SSRP1: variants seen among roughly 807,000 people sequenced by gnomAD.
SSRP1 encodes FACT complex subunit SSRP1.
Under a neutral mutation model 84.4 loss-of-function variants are expected in SSRP1, and 21 were observed. That is an observed-to-expected ratio of 0.25 (90% CI 0.18 to 0.36). The LOEUF is 0.36. Ranked by LOEUF, SSRP1 falls within the 10% of genes least tolerant of loss-of-function variation. The pLI, the probability that SSRP1 is intolerant of heterozygous loss-of-function variation, is 1.00. For synonymous variants in SSRP1, 319 were observed against 318.3 expected, an observed-to-expected ratio of 1.00 and a Z score of -0.02; for missense variants, 519 against 900.8, an observed-to-expected ratio of 0.58 and a Z score of 5.43.
At position 57,335,411 on chromosome 11, in the gene SSRP1, A is replaced by AG. The variant is rs1415704212; in HGVS notation, c.-119-172dup. On this transcript the variant is annotated intron_variant, in intron 1 of 16. Transcript: ENST00000278412. This position sits in a 1 kb window ranked among gnomAD's most constrained non-coding sequence, Gnocchi z 4.6. Reference sequence around the variant, plus strand: ...AGGGTCCAGGTCCAGGCCTGGGTGGAGAACCGGGCCCGGAATACCGCTGAC... The same window carrying AG: ...AGGGTCCAGGTCCAGGCCTGGGTGGAGGAACCGGGCCCGGAATACCGCTGAC... 3 of 383,822 alleles carry AG rather than the reference A, an allele frequency of 7.8e-6. No homozygotes were observed. In the East Asian group the frequency reaches 1.6e-4, roughly 21 times the overall value. 23.8% of individuals were successfully genotyped at this position (383,822 alleles called of 1,614,324 possible).
At chr11:57,331,596 C>T in intron 9 of SSRP1, 72 bp downstream of exon 9, 2 of 1,291,142 alleles carry the variant, frequency 1.5e-6, no homozygotes, top group Non-Finnish European at 2.2e-6. Context: ...GTGCCCCAGG[C>T]CACGCCAGCC....
Position 57,333,449 on chromosome 11 carries a change from G to A in SSRP1, c.332C>T (p.Thr111Ile), listed in dbSNP as rs1174360283. ...DLCVKGWNWGTVKFGGQLLSF... is the reference protein window; with the variant it reads ...DLCVKGWNWGIVKFGGQLLSF... ...CCAGGACTCACCACCAAATTTCACTGTCCCCCAGTTCCAGCCCTTCACACA... is the reference window on the plus strand; with the variant it reads ...CCAGGACTCACCACCAAATTTCACTATCCCCCAGTTCCAGCCCTTCACACA... Residue 111 changes from threonine to isoleucine, a missense_variant, in exon 4 of 17, where the codon ACA becomes ATA. Coordinates refer to ENST00000278412, the MANE Select transcript of SSRP1 (RefSeq NM_003146.3). 6.2e-7 allele frequency: 1 copy of A among 1,613,906 alleles called. No homozygotes were observed. The highest frequency in any genetic ancestry group is 2.2e-5 in the East Asian group (1 of 44,892).
At chr11:57,327,135 T>G in intron 15 of SSRP1, 1 of 734,646 alleles carries the variant, frequency 1.4e-6, no homozygotes, top group Non-Finnish European at 2.1e-6. Context: ...TGCTTTATCT[T>G]TTAGAGTTCA....
At chr11:57,334,399 T>A (rs1856162572) in intron 3 of SSRP1, 64 bp downstream of exon 3, 1 of 1,570,578 alleles carries the variant, frequency 6.4e-7, no homozygotes, top group Non-Finnish European at 8.7e-7. Flanking sequence ...GAACCTCGAG[T>A]CTCTAGAAGA....
Position 57,330,527 on chromosome 11 carries a change from C to T in SSRP1, c.1297-98G>A. 6.5e-7 allele frequency: 1 copy of T among 1,540,530 alleles called. No individual in the cohort carries two copies. Among genetic ancestry groups the T allele is most frequent in the Admixed American group, 1.9e-5 (1 of 52,578 alleles). ...CCCCATGCCTGTCAAGTCAGAGCAGCAGCTCCCAGAAGACCTGGGGCTGGA... is the reference window on the plus strand; with the variant it reads ...CCCCATGCCTGTCAAGTCAGAGCAGTAGCTCCCAGAAGACCTGGGGCTGGA... On this transcript the variant is annotated intron_variant, in intron 10 of 16. Transcript: ENST00000278412. The surrounding 1 kb of genome is among the most constrained non-coding windows in gnomAD (Gnocchi z 4.0).
Position 57,332,873 on chromosome 11 carries a change from G to A in SSRP1, c.538-18C>T. 1 of 1,603,354 alleles carries A rather than the reference G, an allele frequency of 6.2e-7. No homozygotes were observed. The highest frequency in any genetic ancestry group is 2.2e-5 in the East Asian group (1 of 44,676). ...GCAAAGGCCTGCAAAAGCACATATT[G>A]GTAGCCAAGCAGCAGGCCCTGCTCC... On this transcript the variant is annotated intron_variant, in intron 5 of 16. Coordinates refer to ENST00000278412, the MANE Select transcript of SSRP1 (RefSeq NM_003146.3). This position sits in a 1 kb window ranked among gnomAD's most constrained non-coding sequence, Gnocchi z 5.5.
chr11:57,330,271 C>A lies in SSRP1; in HGVS notation c.1435+20G>T. On this transcript the variant is annotated intron_variant, in intron 11 of 16. Coordinates refer to ENST00000278412, the MANE Select transcript of SSRP1 (RefSeq NM_003146.3). This position sits in a 1 kb window ranked among gnomAD's most constrained non-coding sequence, Gnocchi z 4.0. ...AGGAGCGTCTGACCATCCTCGTGCT[C>A]AGCACGGAGGCTAACCCACCGGTTT... The A allele has an allele frequency of 6.2e-7, 1 of 1,614,186 alleles. No individual in the cohort carries two copies. The highest frequency in any genetic ancestry group is 8.5e-7 in the Non-Finnish European group (1 of 1,180,028).
At chr11:57,329,975 C>T (rs933413877) in intron 12 of SSRP1, 118 bp downstream of exon 12, 7 of 1,242,332 alleles carry the variant, frequency 5.6e-6, no homozygotes, top group Non-Finnish European at 8.3e-6. Context: ...CATTGGAGGT[C>T]ACTCTCCCAT....
rs1363566875 is a variant in SSRP1 at position 57,335,731 on chromosome 11, TC to T, written c.-122del. The T allele has an allele frequency of 6.6e-6, 1 of 151,908 alleles. No individual in the cohort carries two copies. The highest frequency in any genetic ancestry group is 6.5e-5 in the Admixed American group (1 of 15,296). 9.4% of individuals were successfully genotyped at this position (151,908 alleles called of 1,614,324 possible). A position where few individuals can be genotyped will look rare whatever the true frequency, so the allele number is the denominator to read the frequency against. ...GGACCGGGGACGACCACCACCTACC[TC>T]CTCAGGCTGCGGCCTCGCGAGGGCC... On this transcript the variant is annotated splice_region_variant and 5_prime_UTR_variant, in exon 1 of 17. Transcript: ENST00000278412. This position sits in a 1 kb window ranked among gnomAD's most constrained non-coding sequence, Gnocchi z 4.6.
At position 57,335,778 on chromosome 11, in the gene SSRP1, G is replaced by C. The variant is rs949184107; in HGVS notation, c.-168C>G. On this transcript the variant is annotated 5_prime_UTR_variant, in exon 1 of 17. Coordinates refer to ENST00000278412, the MANE Select transcript of SSRP1 (RefSeq NM_003146.3). The surrounding 1 kb of genome is among the most constrained non-coding windows in gnomAD (Gnocchi z 4.6). ...GGGCCCCGGCGCGAGAGGTGGGCGCGCTGGGGGGACGCGGGGGGGGCGCGG... is the reference window on the plus strand; with the variant it reads ...GGGCCCCGGCGCGAGAGGTGGGCGCCCTGGGGGGACGCGGGGGGGGCGCGG... 4.6e-5 allele frequency: 7 copies of C among 152,178 alleles called. No individual in the cohort carries two copies. The allele number at this position is 152,178 out of a possible 1,614,324, so 9.4% of individuals were successfully genotyped here.
At position 57,330,655 on chromosome 11, in the gene SSRP1, C is replaced by A. The variant is rs983950183; in HGVS notation, c.1296+200G>T. ...CTCCCTCTCCCAGCCCCACTGGGGG[C>A]TCCTGAGGGGCTGCATAGACTGGTC... On this transcript the variant is annotated intron_variant, in intron 10 of 16. Transcript: ENST00000278412. This position sits in a 1 kb window ranked among gnomAD's most constrained non-coding sequence, Gnocchi z 4.0. The A allele has an allele frequency of 4.1e-6, 6 of 1,446,370 alleles. No individual in the cohort carries two copies. The African/African-American group carries it at 7.1e-5, about 17-fold the overall frequency. 89.6% of individuals were successfully genotyped at this position (1,446,370 alleles called of 1,614,324 possible). A position where few individuals can be genotyped will look rare whatever the true frequency, so the allele number is the denominator to read the frequency against.
chr11:57,328,572 A>G, intron 12 of SSRP1, 146 bp from the exon 13 acceptor site: 1 of 1,139,374 alleles, frequency 8.8e-7, no homozygotes, highest in South Asian at 1.6e-5. Flanking sequence ...CCAATCCCCA[A>G]CACTGCTTTC....
At chr11:57,331,171 C>T (rs555896166) in intron 9 of SSRP1, among the ~76,000 whole-genome samples, 8 of 152,208 alleles carry the variant, frequency 5.3e-5, no homozygotes, top group African/African-American at 1.7e-4. Flanking sequence ...GGGAGGGGTG[C>T]GCATCTGTTT....
intron 4 of SSRP1, 31 bp from the exon 5 acceptor site, chr11:57,333,180 C>T: frequency 6.3e-7 from 1 of 1,583,478 alleles, no homozygotes; most frequent in Non-Finnish European, 8.6e-7. Context: ...CAGCCACAAG[C>T]TCCTCCCCTT....
At chr11:57,327,332 C>T (rs1324955675) in intron 15 of SSRP1, 94 bp downstream of exon 15, 43 of 1,287,614 alleles carry the variant, frequency 3.3e-5, no homozygotes, top group Non-Finnish European at 4.7e-5. Context: ...AGCATCTCTG[C>T]TGTCTTTAAC....
rs185495517 is a variant in SSRP1, at chr11:57,331,929, A to T, written c.1002-40T>A. 15 of 1,575,216 alleles carry T rather than the reference A, an allele frequency of 9.5e-6. No homozygotes were observed. In the East Asian group the frequency reaches 3.0e-4, roughly 31 times the overall value. On this transcript the variant is annotated intron_variant, in intron 8 of 16. Transcript: ENST00000278412. ...AGGGAGCCTGGTTAGTGCCAACCTCAGCAGAGGCAAAGGGCGTATCTAGCA... is the reference window on the plus strand; with the variant it reads ...AGGGAGCCTGGTTAGTGCCAACCTCTGCAGAGGCAAAGGGCGTATCTAGCA...
At chr11:57,329,553 C>A (rs574447972) in intron 12 of SSRP1, 1 of 160,944 alleles carries the variant, frequency 6.2e-6, no homozygotes, top group Admixed American at 5.8e-5. Context: ...TTAAGGAAAT[C>A]GGAAGAAATA....
rs1212563745 is a variant in SSRP1 at position 57,333,006 on chromosome 11, G to A, written c.490C>T (p.Arg164Cys). The A allele has an allele frequency of 2.5e-6, 4 of 1,613,996 alleles. No homozygotes were observed. Among genetic ancestry groups the A allele is most frequent in the African/African-American group, 1.3e-5 (1 of 75,040 alleles). The change falls in exon 5 of 17, where the codon CGC becomes TGC. Residue 164 changes from arginine (R) to cysteine (C), a missense_variant. By Grantham distance (180) the Arg-to-Cys change is radical (BLOSUM62 -3). Around this residue, in one of 7 missense-constraint regions of SSRP1, gnomAD observed 159 missense variants for 359.0 expected, o/e 0.44. Coordinates refer to ENST00000278412, the MANE Select transcript of SSRP1 (RefSeq NM_003146.3). ...TCCTGGGTGGGTGGGACGTAGAAGC[G>A]CACCTCCATGAGAGACACCTCTGCG... ...DDAEVSLMEV[R>C]FYVPPTQEDG... is the part of the protein sequence containing the mutation.
In SSRP1 at chr11:57,334,499, A is replaced by G. The variant is rs769851858; in HGVS notation, c.204T>C (p.Asn68=). 1.2e-6 allele frequency: 2 copies of G among 1,614,240 alleles called. No individual in the cohort carries two copies. The highest frequency in any genetic ancestry group is 3.3e-5 in the Admixed American group (2 of 60,032). The change falls in exon 3 of 17, where the codon AAT becomes AAC. Residue 68 remains asparagine (N), a synonymous_variant. Transcript: ENST00000278412. ...LGHGLKLLTK[N]GHVYKYDGFR... is the part of the protein sequence containing the mutation. Reference sequence around the variant, plus strand: ...AGCCATCATACTTGTAGACATGGCCATTCTTTGTAAGCAGTTTAAGTCCAT... The same window carrying G: ...AGCCATCATACTTGTAGACATGGCCGTTCTTTGTAAGCAGTTTAAGTCCAT...
Sources: allele counts gnomAD v4.1 joint callset (sites outside exome capture counted in the v4.1 genomes callset), GRCh38; gene constraint gnomAD v4.1.1; regional missense constraint gnomAD v4.1.1; non-coding constraint Gnocchi (gnomAD v3.1); transcripts MANE v1.5; gene names NCBI Gene and HGNC (gene_info 2026-07-23, HGNC 2026-07-21).